The following SCAI variants were observed in gnomAD, a reference collection of about 807,000 sequenced individuals.
SCAI encodes the protein suppressor of cancer cell invasion.
SCAI carries 24 observed loss-of-function variants against 92.2 expected under a neutral mutation model. The ratio of observed to expected loss-of-function variants is 0.26; its 90% CI spans 0.19 to 0.37. The LOEUF (loss-of-function observed/expected upper bound fraction) is 0.37. SCAI is among the 10% of genes least tolerant of loss of function. The pLI is 1.00. For missense variants in SCAI, 450 were observed against 736.2 expected (o/e 0.61, Z 4.50); for synonymous variants, 261 against 258.6 (o/e 1.01, Z -0.09).
At chr9:125,037,615 T>G (rs1315335835) in intron 3 of SCAI, among the ~76,000 whole-genome samples, 2 of 152,076 alleles carry the variant, frequency 1.3e-5, no homozygotes, top group Admixed American at 1.3e-4. Context: ...CTGAAAGGGT[T>G]TTATAGAAGA....
At chr9:125,109,344 G>T (rs1010978639) in intron 2 of SCAI, among the ~76,000 whole-genome samples, 1 of 151,562 alleles carries the variant, frequency 6.6e-6, no homozygotes, top group Non-Finnish European at 1.5e-5. Flanking sequence ...AAACACCCAA[G>T]AATTATCAAT....
chr9:125,003,238 T>C (rs774978257), intron 10 of SCAI, 23 bp from the exon 11 acceptor site: 4 of 1,540,906 alleles, frequency 2.6e-6, no homozygotes, highest in Non-Finnish European at 3.6e-6. Context: ...ACAGAAAACA[T>C]TATACATAAA....
intron 14 of SCAI, among the ~76,000 whole-genome samples, chr9:124,981,709 G>A (rs1647307373): frequency 6.6e-6 from 1 of 151,632 alleles, no homozygotes; most frequent in Admixed American, 6.6e-5. Context: ...GAGTACAGTG[G>A]TGTGATCATA....
chr9:124,988,373 G>A (rs1210889342), intron 14 of SCAI, among the ~76,000 whole-genome samples: 1 of 152,006 alleles, frequency 6.6e-6, no homozygotes, highest in Non-Finnish European at 1.5e-5. Context: ...GAGAAAGACA[G>A]AGGCAAAAAC....
intron 9 of SCAI, among the ~76,000 whole-genome samples, chr9:125,004,758 TA>T (rs1564374593): frequency 0.015 from 149 of 9,978 alleles, no homozygotes; most frequent in African/African-American, 0.021. Context: ...TATATATATA[TA>T]TATATATATA....
At position 124,988,317 on chromosome 9, in the gene SCAI, T is replaced by A. The variant is rs544910041; in HGVS notation, c.1326+6617A>T. ...GTTTGCTAGGCTCCAATCTTAAGTATGAGCAAACAAGCAGGGATTATGATA... is the reference window on the plus strand; with the variant it reads ...GTTTGCTAGGCTCCAATCTTAAGTAAGAGCAAACAAGCAGGGATTATGATA... On this transcript the variant is annotated intron_variant, in intron 14 of 17. Coordinates refer to ENST00000336505, the MANE Select transcript of SCAI (RefSeq NM_001144877.3). Among the ~76,000 whole-genome samples, 3 of 152,032 alleles carry A rather than the reference T, an allele frequency of 2.0e-5. No homozygotes were observed. The South Asian group carries it at 6.2e-4, about 32-fold the overall frequency.
intron 2 of SCAI, among the ~76,000 whole-genome samples, chr9:125,124,629 G>A (rs978462327): frequency 5.3e-5 from 8 of 152,174 alleles, no homozygotes; most frequent in Admixed American, 1.3e-4. Flanking sequence ...AGACTCGGAA[G>A]GGTATCCGTT....
intron 4 of SCAI, 150 bp downstream of exon 4, chr9:125,029,494 G>A (rs1174836387): frequency 4.1e-6 from 2 of 483,972 alleles, no homozygotes; most frequent in East Asian, 6.4e-5. Context: ...GATGAAATAT[G>A]TTATTTTAAA....
intron 3 of SCAI, among the ~76,000 whole-genome samples, chr9:125,032,195 A>ATATTTTTTTTTTTTT (rs1177865840): frequency 1.0e-5 from 1 of 99,476 alleles, no homozygotes; most frequent in African/African-American, 4.8e-5. Flanking sequence ...ATATATATAT[A>ATATTTTTTTTTTTTT]TTTTTTTTTT....
At chr9:125,004,734 C>CATATAT (rs1165021670) in intron 9 of SCAI, among the ~76,000 whole-genome samples, 3 of 27,660 alleles carry the variant, frequency 1.1e-4, no homozygotes, top group Non-Finnish European at 1.3e-4. Context: ...AACTGTGATC[C>CATATAT]ATATATATAT....
chr9:125,089,246 T>C (rs1834382312), intron 2 of SCAI, among the ~76,000 whole-genome samples: 1 of 152,210 alleles, frequency 6.6e-6, no homozygotes, highest in Admixed American at 6.5e-5. Context: ...AATTTAATGA[T>C]TCAATAAAAA....
chr9:125,093,753 A>C (rs996488286), intron 2 of SCAI, among the ~76,000 whole-genome samples: 1 of 151,872 alleles, frequency 6.6e-6, no homozygotes, highest in Non-Finnish European at 1.5e-5. Flanking sequence ...TTTACTAGAG[A>C]CAGGGTTTCA....
chr9:124,964,258 G>A (rs947886690), intron 17 of SCAI, among the ~76,000 whole-genome samples: 7 of 152,120 alleles, frequency 4.6e-5, no homozygotes, highest in South Asian at 2.1e-4. Context: ...TCCACCCCAC[G>A]TCATCTTCTG....
At chr9:125,005,393 G>C (rs9777379) in intron 9 of SCAI, among the ~76,000 whole-genome samples, 1 of 152,136 alleles carries the variant, frequency 6.6e-6, no homozygotes, top group Non-Finnish European at 1.5e-5. Flanking sequence ...GTGCAACGGC[G>C]CAATCTCGGC....
At chr9:124,961,306 T>C (rs1423136192) in intron 17 of SCAI, among the ~76,000 whole-genome samples, 7 of 150,656 alleles carry the variant, frequency 4.6e-5, no homozygotes, top group Non-Finnish European at 1.0e-4. Context: ...CATATATGCA[T>C]GATGAAGTGT....
intron 2 of SCAI, among the ~76,000 whole-genome samples, chr9:125,115,405 A>G (rs1835024407): frequency 1.3e-5 from 2 of 149,504 alleles, no homozygotes; most frequent in Non-Finnish European, 3.0e-5. Context: ...CTCTTGAAGC[A>G]CATGTACACC....
At chr9:125,135,935 C>T (rs1183307306) in intron 2 of SCAI, among the ~76,000 whole-genome samples, 1 of 147,762 alleles carries the variant, frequency 6.8e-6, no homozygotes, top group Non-Finnish European at 1.5e-5. Flanking sequence ...CACCATTGCA[C>T]TCCAGCCTGG....
At chr9:125,090,355 G>A (rs1196941478) in intron 2 of SCAI, among the ~76,000 whole-genome samples, 1 of 151,370 alleles carries the variant, frequency 6.6e-6, no homozygotes, top group African/African-American at 2.5e-5. Flanking sequence ...GGAGAGAGGA[G>A]GAGGAAGAAA....
intron 17 of SCAI, among the ~76,000 whole-genome samples, chr9:124,969,372 A>G (rs1045042423): frequency 7.2e-5 from 11 of 152,228 alleles, no homozygotes; most frequent in African/African-American, 1.9e-4. Context: ...TTTTCCTTAC[A>G]GAAGTGAAAA....
Sources: gnomAD v4.1 joint callset for allele counts (sites outside exome capture counted in the v4.1 genomes callset) on GRCh38, gnomAD v4.1.1 for gene constraint, MANE v1.5 for transcripts, NCBI Gene and HGNC (gene_info 2026-07-23, HGNC 2026-07-21) for gene names.